The following PACRGL variants were observed in gnomAD, a reference collection of about 807,000 sequenced individuals.
The protein encoded by PACRGL is parkin coregulated like.
In PACRGL, 38 loss-of-function variants were observed where a neutral mutation model predicts 34.5. That is an observed-to-expected ratio of 1.10 (90% CI 0.85 to 1.44). The LOEUF (loss-of-function observed/expected upper bound fraction) is 1.44. Ranked by LOEUF, PACRGL falls within the 40% of genes most tolerant of loss-of-function variation. The probability of loss-of-function intolerance (pLI) is 0.00; values close to 1 mark genes in which losing one functional copy is unlikely to be tolerated. For synonymous variants in PACRGL, 128 were observed against 100.1 expected (o/e 1.28, Z -1.66); for missense variants, 305 against 281.4 (o/e 1.08, Z -0.60).
intron 8 of PACRGL, among the ~76,000 whole-genome samples, chr4:20,746,638 T>G (rs1434454819): frequency 6.6e-6 from 1 of 152,180 alleles, no homozygotes; most frequent in Non-Finnish European, 1.5e-5. Flanking sequence ...CTTTTTCATT[T>G]TTACATTATC....
intron 6 of PACRGL, 43 bp downstream of exon 6, chr4:20,712,965 T>C (rs201793641): frequency 3.5e-6 from 5 of 1,444,734 alleles, no homozygotes; most frequent in Non-Finnish European, 4.6e-6. Context: ...GAAAACATGA[T>C]AGAAAAGAAA....
intron 8 of PACRGL, among the ~76,000 whole-genome samples, chr4:20,737,616 G>T (rs969282866): frequency 1.1e-4 from 16 of 152,298 alleles, no homozygotes; most frequent in African/African-American, 3.8e-4. Flanking sequence ...TAGTGAGTGT[G>T]AGCTGTTTGA....
chr4:20,701,837 G>C (rs1163910237), intron 1 of PACRGL: 1 of 456,590 alleles, frequency 2.2e-6, no homozygotes, highest in East Asian at 7.0e-5. Context: ...CAAATCTATA[G>C]ATGTGGAACC....
chr4:20,767,100 T>TC, the PACRGL span: 3 of 152,184 alleles, frequency 2.0e-5, no homozygotes, highest in African/African-American at 7.2e-5. Flanking sequence ...TAAGCAGAAC[T>TC]CCATCACGCA....
chr4:20,715,628 A>T (rs1296983049), intron 7 of PACRGL, among the ~76,000 whole-genome samples: 1 of 152,062 alleles, frequency 6.6e-6, no homozygotes, highest in Non-Finnish European at 1.5e-5. Context: ...AACACTTTGG[A>T]GGCTGAGGTG....
intron 7 of PACRGL, among the ~76,000 whole-genome samples, chr4:20,715,829 C>T (rs999258319): frequency 1.3e-5 from 2 of 152,006 alleles, no homozygotes; most frequent in Non-Finnish European, 2.9e-5. Context: ...TGTGACAGTG[C>T]ATGCCAGCCT....
chr4:20,723,110 G>T (rs1744126508), intron 7 of PACRGL, among the ~76,000 whole-genome samples: 5 of 152,188 alleles, frequency 3.3e-5, no homozygotes, highest in Admixed American at 2.6e-4. Flanking sequence ...GAAATTCCGT[G>T]AGGTTTCAGG....
chr4:20,759,561 C>T, the PACRGL span, among the ~76,000 whole-genome samples: 1 of 152,132 alleles, frequency 6.6e-6, no homozygotes, highest in Non-Finnish European at 1.5e-5. Context: ...ATCTTGGGAA[C>T]TACACCCATG....
At chr4:20,749,581 A>G (rs1243234298) in intron 8 of PACRGL, 12 of 973,214 alleles carry the variant, frequency 1.2e-5, no homozygotes, top group East Asian at 5.2e-5. Context: ...AGCAAAAATA[A>G]TCATCACCAA....
upstream of PACRGL, among the ~76,000 whole-genome samples, chr4:20,700,033 C>A (rs763190209): frequency 3.6e-4 from 55 of 152,292 alleles, no homozygotes; most frequent in Non-Finnish European, 2.2e-4. Flanking sequence ...CACAGCTGGG[C>A]ATGCAGATGG....
rs573253094 is a variant in PACRGL at position 20,724,744 on chromosome 4, A to T, written c.610-64A>T. 1.4e-4 allele frequency: 118 copies of T among 864,024 alleles called. 2 individuals carry two copies. The South Asian group carries it at 3.4e-3, about 25-fold the overall frequency. The allele number at this position is 864,024 out of a possible 1,614,324, so 53.5% of individuals were successfully genotyped here. On this transcript the variant is annotated intron_variant, in intron 7 of 8. Transcript: ENST00000503585. The stretch of plus-strand genomic sequence containing the variant: ...AAGGGGTGCTCCTGAAGATTTACTT[A>T]TGCGTATGGTGAGCATTGTTAAGTT...
At chr4:20,755,603 C>G (rs546623977), downstream of PACRGL, among the ~76,000 whole-genome samples, 5 of 151,998 alleles carry the variant, frequency 3.3e-5, no homozygotes, top group Non-Finnish European at 5.9e-5. Context: ...AACAATGGTA[C>G]AAGTGAAATA....
chr4:20,767,022 T>C, the PACRGL span: 1 of 152,208 alleles, frequency 6.6e-6, no homozygotes, highest in South Asian at 2.1e-4. Flanking sequence ...CCTAGCCCTC[T>C]ACCTTACACA....
chr4:20,716,172 A>G (rs925170696), intron 7 of PACRGL: 14 of 1,279,622 alleles, frequency 1.1e-5, no homozygotes, highest in East Asian at 5.0e-5. Context: ...AGAAGGATCC[A>G]TGGAACTCAG....
At chr4:20,708,370 T>A (rs1411079431) in intron 4 of PACRGL, among the ~76,000 whole-genome samples, 1 of 152,206 alleles carries the variant, frequency 6.6e-6, no homozygotes, top group Non-Finnish European at 1.5e-5. Flanking sequence ...AAGCATTTAT[T>A]TCTTCAGAGT....
In PACRGL at chr4:20,712,883, T is replaced by C; in HGVS notation, c.462T>C (p.Pro154=). The C allele has an allele frequency of 6.2e-7, 1 of 1,605,226 alleles. No homozygotes were observed. The highest frequency in any genetic ancestry group is 8.5e-7 in the Non-Finnish European group (1 of 1,174,652). The change falls in exon 6 of 9, where the codon CCT becomes CCC. Residue 154 remains proline (P), a synonymous_variant. Transcript: ENST00000503585. ...LVKGAPEKAI[P]LLPRLIPVLK... ...AAGGTGCTCCTGAAAAAGCTATTCC[T>C]TTGCTACCTAGACTGATTCCTGTGC... is the stretch of plus-strand genomic sequence containing the variant.
rs569308650 is a variant in PACRGL, at chr4:20,724,497, C to T, written c.610-311C>T. Among the ~76,000 whole-genome samples the T allele has an allele frequency of 9.2e-5, 14 of 152,294 alleles. No homozygotes were observed. The East Asian group carries it at 2.3e-3, about 25-fold the overall frequency. On this transcript the variant is annotated intron_variant, in intron 7 of 8. Transcript: ENST00000503585. ...CAGGAAAATGTGTGTTTTAGAGGCA[C>T]AGCTTTCCATCATGGTCCTCAATGC...
At chr4:20,713,394 C>G (rs1277052676) in intron 6 of PACRGL, 38 bp from the exon 7 acceptor site, 1 of 1,492,490 alleles carries the variant, frequency 6.7e-7, no homozygotes, top group South Asian at 1.1e-5. Flanking sequence ...CCTCTCTTCC[C>G]TGATGTCCAT....
Position 20,729,859 on chromosome 4 carries a change from T to C in PACRGL, c.*2518T>C. The stretch of plus-strand genomic sequence containing the variant: ...TTTTGAATATTCACAGAGTATGAAA[T>C]GAGTTAGACCATCCCCTGAACTCAG... On this transcript the variant is annotated 3_prime_UTR_variant, in exon 9 of 9. Transcript: ENST00000503585. 2.4e-6 allele frequency: 1 copy of C among 418,870 alleles called. No homozygotes were observed. Among genetic ancestry groups the C allele is most frequent in the Non-Finnish European group, 4.2e-6 (1 of 237,876 alleles). 25.9% of individuals were successfully genotyped at this position (418,870 alleles called of 1,614,324 possible).
Sources: allele counts gnomAD v4.1 joint callset (sites outside exome capture counted in the v4.1 genomes callset), GRCh38; gene constraint gnomAD v4.1.1; transcripts MANE v1.5; gene names NCBI Gene and HGNC (gene_info 2026-07-23, HGNC 2026-07-21).